Variants in PPARGC1A observed in about 807,000 individuals in gnomAD.
PPARGC1A encodes the protein PPARG coactivator 1 alpha, also known as peroxisome proliferator-activated receptor gamma coactivator 1-alpha.
In PPARGC1A, 25 loss-of-function variants were observed where a neutral mutation model predicts 88.7. The observed-to-expected ratio is 0.28, with a 90% CI of 0.21 to 0.39. PPARGC1A has a LOEUF of 0.39. Ranked by LOEUF, PPARGC1A falls within the 10% of genes least tolerant of loss-of-function variation. The pLI is 1.00. For synonymous variants in PPARGC1A, 363 were observed against 355.6 expected (o/e 1.02, Z -0.24); for missense variants, 880 against 968.7 (o/e 0.91, Z 1.22).
chr4:24,413,661 G>A, the PPARGC1A span, among the ~76,000 whole-genome samples: 2,044 of 152,312 alleles, frequency 0.013, 60 homozygotes, highest in East Asian at 0.11. Flanking sequence ...CAAGAAGACC[G>A]TTTGAATCTG....
At chr4:23,932,884 C>T in the PPARGC1A span, among the ~76,000 whole-genome samples, 5 of 152,162 alleles carry the variant, frequency 3.3e-5, no homozygotes, top group African/African-American at 1.2e-4. Context: ...AGGCCACCAA[C>T]ACATGGGGTC....
the PPARGC1A span, among the ~76,000 whole-genome samples, chr4:24,112,838 C>T: frequency 6.6e-6 from 1 of 152,134 alleles, no homozygotes; most frequent in Non-Finnish European, 1.5e-5. Flanking sequence ...ATCTCTTGCC[C>T]TATCACCACT....
At chr4:23,871,587 G>C (rs1000072554) in intron 2 of PPARGC1A, among the ~76,000 whole-genome samples, 8 of 152,170 alleles carry the variant, frequency 5.3e-5, no homozygotes, top group African/African-American at 1.9e-4. Context: ...GCTAAGTATG[G>C]GCTGGCAAGA....
the PPARGC1A span, among the ~76,000 whole-genome samples, chr4:24,218,073 G>A: frequency 0.029 from 4,452 of 152,176 alleles, 235 homozygotes; most frequent in African/African-American, 0.1. Context: ...GAATGCTGGC[G>A]CAATTCATAC....
At chr4:23,911,786 A>C in the PPARGC1A span, among the ~76,000 whole-genome samples, 5 of 152,178 alleles carry the variant, frequency 3.3e-5, no homozygotes, top group African/African-American at 1.2e-4. Flanking sequence ...TTTATTGTGG[A>C]AAGAACCCTT....
intron 10 of PPARGC1A, among the ~76,000 whole-genome samples, chr4:23,809,945 C>T (rs2109417650): frequency 6.6e-6 from 1 of 152,238 alleles, no homozygotes; most frequent in East Asian, 1.9e-4. Flanking sequence ...AGATGCACCC[C>T]TTATAATAGC....
the PPARGC1A span, among the ~76,000 whole-genome samples, chr4:24,200,655 CA>C: frequency 1.9e-4 from 17 of 88,354 alleles, no homozygotes; most frequent in South Asian, 5.8e-4. Context: ...ATTTATTAAG[CA>C]AAAAAAAAAA....
intron 2 of PPARGC1A, among the ~76,000 whole-genome samples, chr4:23,861,850 G>C (rs1731269500): frequency 6.6e-6 from 1 of 152,146 alleles, no homozygotes; most frequent in African/African-American, 2.4e-5. Context: ...CCTCACTAAA[G>C]TTGTCTCTCA....
the PPARGC1A span, among the ~76,000 whole-genome samples, chr4:24,271,657 G>A: frequency 2.6e-5 from 4 of 152,124 alleles, no homozygotes; most frequent in Non-Finnish European, 5.9e-5. Context: ...GATTACAGGC[G>A]TGAGCCGAGT....
chr4:24,179,028 T>C, the PPARGC1A span, among the ~76,000 whole-genome samples: 86 of 151,316 alleles, frequency 5.7e-4, no homozygotes, highest in African/African-American at 2.1e-3. Context: ...TATGGGCTCT[T>C]TCTTTGTGCT....
chr4:23,845,351 TAA>T (rs1363474465), intron 2 of PPARGC1A, among the ~76,000 whole-genome samples: 1 of 152,138 alleles, frequency 6.6e-6, no homozygotes, highest in African/African-American at 2.4e-5. Flanking sequence ...TATTTGTTCA[TAA>T]AGACTTAGCA....
chr4:24,424,891 A>AGAGG, the PPARGC1A span, among the ~76,000 whole-genome samples: 2 of 152,214 alleles, frequency 1.3e-5, no homozygotes, highest in African/African-American at 4.8e-5. Context: ...AATGCTTCGT[A>AGAGG]GAGGGCAGAG....
At chr4:24,086,777 G>A in the PPARGC1A span, among the ~76,000 whole-genome samples, 1 of 152,114 alleles carries the variant, frequency 6.6e-6, no homozygotes, top group African/African-American at 2.4e-5. Context: ...TGCATTTGAT[G>A]GGTCACCAAG....
chr4:24,419,322 C>T, the PPARGC1A span, among the ~76,000 whole-genome samples: 2 of 149,600 alleles, frequency 1.3e-5, no homozygotes, highest in Non-Finnish European at 3.0e-5. Context: ...TTCCCACTCC[C>T]TGACCAACAC....
chr4:24,440,918 T>C, the PPARGC1A span, among the ~76,000 whole-genome samples: 1 of 152,196 alleles, frequency 6.6e-6, no homozygotes, highest in Non-Finnish European at 1.5e-5. Flanking sequence ...TCTGCTTCTG[T>C]TGAAAACTCA....
chr4:24,451,399 T>C, the PPARGC1A span, among the ~76,000 whole-genome samples: 7 of 152,228 alleles, frequency 4.6e-5, no homozygotes, highest in African/African-American at 1.7e-4. Flanking sequence ...ACGACCCTAA[T>C]GGCACTTTCA....
At chr4:23,934,811 C>CGG in the PPARGC1A span, among the ~76,000 whole-genome samples, 2 of 152,210 alleles carry the variant, frequency 1.3e-5, no homozygotes, top group African/African-American at 4.8e-5. Context: ...CCCAAGACCC[C>CGG]GGATCCAGGA....
At chr4:24,059,559 G>A in the PPARGC1A span, among the ~76,000 whole-genome samples, 1 of 152,222 alleles carries the variant, frequency 6.6e-6, no homozygotes, top group African/African-American at 2.4e-5. Flanking sequence ...AACAGCCACT[G>A]TCTTCAGCTG....
the PPARGC1A span, among the ~76,000 whole-genome samples, chr4:24,441,929 T>G: frequency 5.3e-5 from 8 of 152,204 alleles, no homozygotes; most frequent in Non-Finnish European, 1.2e-4. Flanking sequence ...TTCAGTAGCA[T>G]CAGAATGAAA....
Sources: gnomAD v4.1 joint callset for allele counts (sites outside exome capture counted in the v4.1 genomes callset) on GRCh38, gnomAD v4.1.1 for gene constraint, MANE v1.5 for transcripts, NCBI Gene and HGNC (gene_info 2026-07-23, HGNC 2026-07-21) for gene names.